The following DRC11 variants were observed in gnomAD, a reference collection of about 807,000 sequenced individuals.
DRC11 encodes IQ and AAA domain-containing protein 1.
the DRC11 span, among the ~76,000 whole-genome samples, chr2:236,432,396 T>C: frequency 2.0e-5 from 3 of 152,314 alleles, no homozygotes; most frequent in South Asian, 6.2e-4. Flanking sequence ...CTTAATGGTA[T>C]CTTTTGAAGT....
the DRC11 span, among the ~76,000 whole-genome samples, chr2:236,356,715 A>G: frequency 6.6e-6 from 1 of 151,808 alleles, no homozygotes; most frequent in Non-Finnish European, 1.5e-5. Flanking sequence ...GAGGTCAGAA[A>G]AAGCCCTTCC....
At chr2:236,315,449 T>G in the DRC11 span, among the ~76,000 whole-genome samples, 1 of 152,190 alleles carries the variant, frequency 6.6e-6, no homozygotes, top group Non-Finnish European at 1.5e-5. The surrounding 1 kb of genome is among the most constrained non-coding windows in gnomAD (Gnocchi z 5.1). Flanking sequence ...CTGTGGCAAT[T>G]CCTCAAAGAT....
At chr2:236,497,544 A>G in the DRC11 span, 2 of 1,314,286 alleles carry the variant, frequency 1.5e-6, no homozygotes, top group Non-Finnish European at 2.1e-6. This position sits in a 1 kb window ranked among gnomAD's most constrained non-coding sequence, Gnocchi z 5.1. Flanking sequence ...TTGGTAAAAC[A>G]TAAACATCGG....
chr2:236,324,542 C>T, the DRC11 span: 1 of 591,334 alleles, frequency 1.7e-6, no homozygotes, highest in East Asian at 2.9e-5. The surrounding 1 kb of genome is among the most constrained non-coding windows in gnomAD (Gnocchi z 5.7). Flanking sequence ...CTGCACACTG[C>T]TAAGTTCCTT....
chr2:236,462,889 G>C, the DRC11 span, among the ~76,000 whole-genome samples: 1 of 152,146 alleles, frequency 6.6e-6, no homozygotes, highest in African/African-American at 2.4e-5. This position sits in a 1 kb window ranked among gnomAD's most constrained non-coding sequence, Gnocchi z 6.4. Flanking sequence ...CTTTAAATCA[G>C]AAGAGACAGA....
At chr2:236,315,935 C>T in the DRC11 span, among the ~76,000 whole-genome samples, 1 of 152,090 alleles carries the variant, frequency 6.6e-6, no homozygotes, top group Non-Finnish European at 1.5e-5. The surrounding 1 kb of genome is among the most constrained non-coding windows in gnomAD (Gnocchi z 5.1). Flanking sequence ...ATGCAGCAAA[C>T]CACCATGGCA....
At chr2:236,362,324 A>G in the DRC11 span, among the ~76,000 whole-genome samples, 1 of 152,140 alleles carries the variant, frequency 6.6e-6, no homozygotes, top group Non-Finnish European at 1.5e-5. This position sits in a 1 kb window ranked among gnomAD's most constrained non-coding sequence, Gnocchi z 5.7. Context: ...ATTTTCTTCC[A>G]TCTCTGCCAC....
chr2:236,400,459 TAGTG>T, the DRC11 span, among the ~76,000 whole-genome samples: 1 of 152,342 alleles, frequency 6.6e-6, no homozygotes, highest in South Asian at 2.1e-4. This position sits in a 1 kb window ranked among gnomAD's most constrained non-coding sequence, Gnocchi z 7.9. Context: ...CTGCGCCTAA[TAGTG>T]AGAGCTAGGC....
At chr2:236,319,308 C>T in the DRC11 span, among the ~76,000 whole-genome samples, 2 of 152,148 alleles carry the variant, frequency 1.3e-5, no homozygotes, top group African/African-American at 2.4e-5. The surrounding 1 kb of genome is among the most constrained non-coding windows in gnomAD (Gnocchi z 6.7). Flanking sequence ...CTCACGATAG[C>T]GCAGGGAGGC....
At chr2:236,335,459 C>G in the DRC11 span, among the ~76,000 whole-genome samples, 2 of 152,182 alleles carry the variant, frequency 1.3e-5, no homozygotes, top group Non-Finnish European at 2.9e-5. The surrounding 1 kb of genome is among the most constrained non-coding windows in gnomAD (Gnocchi z 5.6). Context: ...TCTGGTGCAG[C>G]TTTATCATTT....
At chr2:236,500,940 T>G in the DRC11 span, among the ~76,000 whole-genome samples, 5 of 152,166 alleles carry the variant, frequency 3.3e-5, no homozygotes, top group Admixed American at 1.3e-4. The surrounding 1 kb of genome is among the most constrained non-coding windows in gnomAD (Gnocchi z 6.3). Context: ...TCAAGTGATC[T>G]GCCCACCTCG....
chr2:236,493,128 C>T, the DRC11 span, among the ~76,000 whole-genome samples: 4 of 152,158 alleles, frequency 2.6e-5, no homozygotes, highest in African/African-American at 9.6e-5. Context: ...AAAGGCACAT[C>T]TCATATGGCG....
chr2:236,411,219 TC>T, the DRC11 span, among the ~76,000 whole-genome samples: 2 of 151,970 alleles, frequency 1.3e-5, no homozygotes, highest in Non-Finnish European at 2.9e-5. Flanking sequence ...AACAACCCCA[TC>T]AAAAAGTCGG....
the DRC11 span, chr2:236,368,406 T>G: frequency 6.2e-6 from 4 of 642,366 alleles, no homozygotes; most frequent in Non-Finnish European, 1.1e-5. Context: ...ATTGAACATT[T>G]CAGAGCAAAG....
the DRC11 span, among the ~76,000 whole-genome samples, chr2:236,475,965 T>G: frequency 6.6e-6 from 1 of 152,222 alleles, no homozygotes; most frequent in Non-Finnish European, 1.5e-5. The surrounding 1 kb of genome is among the most constrained non-coding windows in gnomAD (Gnocchi z 4.8). Flanking sequence ...GCTGTTTTGG[T>G]TACTACCGTT....
chr2:236,324,830 C>T, the DRC11 span: 3 of 1,283,144 alleles, frequency 2.3e-6, no homozygotes, highest in East Asian at 2.4e-5. This position sits in a 1 kb window ranked among gnomAD's most constrained non-coding sequence, Gnocchi z 5.7. Context: ...GACACCAATT[C>T]ACCGCAATAC....
chr2:236,428,556 T>C, the DRC11 span, among the ~76,000 whole-genome samples: 1 of 152,208 alleles, frequency 6.6e-6, no homozygotes, highest in African/African-American at 2.4e-5. Flanking sequence ...TAGTTACCCC[T>C]GCTTTCTTTT....
chr2:236,357,829 TA>T, the DRC11 span, among the ~76,000 whole-genome samples: 2 of 125,910 alleles, frequency 1.6e-5, no homozygotes, highest in African/African-American at 3.2e-5. Context: ...AATATACATA[TA>T]CTATATAAAT....
the DRC11 span, among the ~76,000 whole-genome samples, chr2:236,357,913 A>T: frequency 8.4e-6 from 1 of 119,434 alleles, no homozygotes; most frequent in South Asian, 2.4e-4. Flanking sequence ...ATAAATATAC[A>T]TATACTATAT....
Sources: allele counts gnomAD v4.1 joint callset (sites outside exome capture counted in the v4.1 genomes callset), GRCh38; gene constraint gnomAD v4.1.1; non-coding constraint Gnocchi (gnomAD v3.1); transcripts MANE v1.5; gene names NCBI Gene and HGNC (gene_info 2026-07-23, HGNC 2026-07-21).